The following MPP7 variants were observed in gnomAD, a reference collection of about 807,000 sequenced individuals.
The protein encoded by MPP7 is MAGUK p55 scaffold protein 7.
Under a neutral mutation model 76.5 loss-of-function variants are expected in MPP7, and 60 were observed. The ratio of observed to expected loss-of-function variants is 0.78; its 90% confidence interval spans 0.64 to 0.97. The LOEUF (loss-of-function observed/expected upper bound fraction) is 0.97. Among genes scored for constraint, MPP7 ranks in the 50% least tolerant of loss-of-function variants. MPP7 has a pLI of 0.00. For missense variants in MPP7, 641 were observed against 694.0 expected (o/e 0.92, Z 0.86); for synonymous variants, 237 against 244.5 (o/e 0.97, Z 0.29).
chr10:28,178,185 T>C (rs982221479), intron 3 of MPP7, among the ~76,000 whole-genome samples: 14 of 152,180 alleles, frequency 9.2e-5, no homozygotes, highest in African/African-American at 3.4e-4. Context: ...GCTGTTCTCC[T>C]AGATGCCAGC....
intron 1 of MPP7, among the ~76,000 whole-genome samples, chr10:28,292,401 G>A (rs944967833): frequency 5.3e-5 from 8 of 151,490 alleles, no homozygotes; most frequent in African/African-American, 1.7e-4. Context: ...AGTAGAAACA[G>A]AAGCTGAACT....
intron 3 of MPP7, among the ~76,000 whole-genome samples, chr10:28,171,327 G>A (rs1162706270): frequency 6.6e-6 from 1 of 152,164 alleles, no homozygotes; most frequent in Non-Finnish European, 1.5e-5. Flanking sequence ...CCAGAAGAGG[G>A]AAAGTAAAGA....
At chr10:28,215,559 C>T (rs1429609548) in intron 2 of MPP7, among the ~76,000 whole-genome samples, 2 of 152,112 alleles carry the variant, frequency 1.3e-5, no homozygotes, top group African/African-American at 4.8e-5. Flanking sequence ...GAAGCACAGA[C>T]ATTAACTTGG....
intron 1 of MPP7, among the ~76,000 whole-genome samples, chr10:28,266,427 T>C (rs1307290452): frequency 6.6e-6 from 1 of 152,156 alleles, no homozygotes; most frequent in East Asian, 1.9e-4. Flanking sequence ...CAGGTCCTCA[T>C]AACATATAGT....
At chr10:28,238,371 G>A (rs1328718718) in intron 2 of MPP7, among the ~76,000 whole-genome samples, 197 bp downstream of exon 2, 1 of 152,202 alleles carries the variant, frequency 6.6e-6, no homozygotes, top group Non-Finnish European at 1.5e-5. Context: ...TCACTACCCA[G>A]AGAAAGAGGC....
intron 2 of MPP7, among the ~76,000 whole-genome samples, chr10:28,202,648 A>G (rs990250553): frequency 6.6e-6 from 1 of 152,216 alleles, no homozygotes; most frequent in Non-Finnish European, 1.5e-5. Context: ...TGAATAGGAA[A>G]AACTTCCTTA....
At position 28,150,021 on chromosome 10, in the gene MPP7, C is replaced by T. The variant is rs758063465; in HGVS notation, c.195G>A (p.Pro65=). The change falls in exon 4 of 17, where the codon CCG becomes CCA. Residue 65 remains proline, a synonymous_variant. Transcript: ENST00000683449. Reference sequence around the variant, plus strand: ...CCGCCGCACCATGGAGAATGGGCACCGGACTCTGCTTCTCATAGTAGTGTA... The same window carrying T: ...CCGCCGCACCATGGAGAATGGGCACTGGACTCTGCTTCTCATAGTAGTGTA... The part of the protein sequence containing the change: ...EKLHYYEKQS[P]VPILHGAAAL... 8 of 1,613,604 alleles carry T rather than the reference C, an allele frequency of 5.0e-6. No individual in the cohort carries two copies. The highest frequency in any genetic ancestry group is 3.3e-5 in the Admixed American group (2 of 59,976).
chr10:28,137,949 T>C (rs1210835609), intron 5 of MPP7, among the ~76,000 whole-genome samples: 3 of 152,346 alleles, frequency 2.0e-5, no homozygotes, highest in African/African-American at 7.2e-5. Flanking sequence ...GTCTAGCTTA[T>C]AAGGATGAGC....
At chr10:28,299,387 T>C (rs1352196860) in intron 1 of MPP7, among the ~76,000 whole-genome samples, 1 of 152,158 alleles carries the variant, frequency 6.6e-6, no homozygotes, top group African/African-American at 2.4e-5. Flanking sequence ...GAATGGCCAG[T>C]TGGTGGAGAT....
chr10:28,075,917 T>C (rs754517699), intron 12 of MPP7, among the ~76,000 whole-genome samples: 6 of 152,284 alleles, frequency 3.9e-5, no homozygotes, highest in Admixed American at 6.5e-5. Flanking sequence ...AGCTGGCAAA[T>C]TGAAGGCCCT....
chr10:28,268,797 T>C (rs899947623), intron 1 of MPP7, among the ~76,000 whole-genome samples: 1 of 150,062 alleles, frequency 6.7e-6, no homozygotes, highest in African/African-American at 2.5e-5. Context: ...CAGGCACCTG[T>C]AGTACCAGCT....
chr10:28,190,815 G>A (rs61843022), intron 3 of MPP7, among the ~76,000 whole-genome samples: 10,228 of 149,848 alleles, frequency 0.068, 383 homozygotes, highest in Middle Eastern at 0.12. Flanking sequence ...AATGAAACTG[G>A]AACAAAAAAA....
At chr10:28,264,043 T>C (rs1186363853) in intron 1 of MPP7, among the ~76,000 whole-genome samples, 1 of 152,114 alleles carries the variant, frequency 6.6e-6, no homozygotes, top group Non-Finnish European at 1.5e-5. Flanking sequence ...ATGCCTGCAA[T>C]CCCAGCACTT....
At chr10:28,205,128 G>A (rs1837909902) in intron 2 of MPP7, among the ~76,000 whole-genome samples, 1 of 152,140 alleles carries the variant, frequency 6.6e-6, no homozygotes, top group African/African-American at 2.4e-5. Context: ...ACCACATCTG[G>A]TAACCATGAC....
intron 2 of MPP7, among the ~76,000 whole-genome samples, chr10:28,327,231 TAAAAA>T (rs59442840): frequency 0.046 from 4,406 of 95,686 alleles, 206 homozygotes; most frequent in African/African-American, 0.14. Flanking sequence ...GTCAAAGAAG[TAAAAA>T]AAAAAAAAAA....
intron 1 of MPP7, among the ~76,000 whole-genome samples, chr10:28,245,846 T>C (rs1252811612): frequency 7.3e-5 from 11 of 150,746 alleles, no homozygotes; most frequent in Admixed American, 6.6e-4. Context: ...AATAATGGAA[T>C]TGAAAAATTC....
intron 2 of MPP7, among the ~76,000 whole-genome samples, chr10:28,227,024 G>A (rs1838715437): frequency 6.6e-6 from 1 of 152,298 alleles, no homozygotes; most frequent in East Asian, 1.9e-4. Flanking sequence ...CTGCACGCAG[G>A]AGAAACATTG....
chr10:28,269,947 G>A (rs1161163657), intron 1 of MPP7, among the ~76,000 whole-genome samples: 3 of 152,144 alleles, frequency 2.0e-5, no homozygotes, highest in Non-Finnish European at 4.4e-5. Context: ...ACCTGAGTTG[G>A]AGTTAGGGAA....
chr10:28,060,480 G>T (rs1397787853), intron 13 of MPP7, among the ~76,000 whole-genome samples: 5 of 152,168 alleles, frequency 3.3e-5, no homozygotes, highest in African/African-American at 7.2e-5. Flanking sequence ...TGGATGCCAA[G>T]AAACTACCCG....
Sources: allele counts gnomAD v4.1 joint callset (sites outside exome capture counted in the v4.1 genomes callset), GRCh38; gene constraint gnomAD v4.1.1; transcripts MANE v1.5; gene names NCBI Gene and HGNC (gene_info 2026-07-23, HGNC 2026-07-21).